SCLY: variants seen among roughly 807,000 people sequenced by gnomAD.
SCLY encodes selenocysteine lyase.
SCLY carries 38 observed loss-of-function variants against 50.1 expected under a neutral mutation model. That is an observed-to-expected ratio of 0.76 (90% CI 0.59 to 0.99). The LOEUF (loss-of-function observed/expected upper bound fraction) is 0.99, where lower values mean the gene tolerates loss of function less well. SCLY is among the 50% of genes least tolerant of loss of function. The probability of loss-of-function intolerance (pLI) is 0.00; values close to 1 mark genes in which losing one functional copy is unlikely to be tolerated. For synonymous variants in SCLY, 243 were observed against 249.4 expected, an observed-to-expected ratio of 0.97 and a Z score of 0.24; for missense variants, 600 against 620.0, an observed-to-expected ratio of 0.97 and a Z score of 0.34.
chr2:238,064,096 C>T (rs896163023), intron 1 of SCLY, among the ~76,000 whole-genome samples: 3 of 152,112 alleles, frequency 2.0e-5, no homozygotes, highest in African/African-American at 7.2e-5. Context: ...TTTTGAAAAC[C>T]GAAATGAAAA....
chr2:238,094,311 A>G, intron 9 of SCLY, 109 bp from the exon 10 acceptor site: 2 of 911,782 alleles, frequency 2.2e-6, no homozygotes, highest in Non-Finnish European at 3.5e-6. Context: ...TGCTGATTGA[A>G]AAGTATGCAC....
At chr2:238,076,845 C>A (rs1172200609) in intron 4 of SCLY, among the ~76,000 whole-genome samples, 6 of 151,144 alleles carry the variant, frequency 4.0e-5, no homozygotes, top group African/African-American at 1.2e-4. Context: ...GATTTAAATT[C>A]TTTAATTTTT....
chr2:238,097,846 G>T (rs961980841), intron 11 of SCLY, among the ~76,000 whole-genome samples: 1 of 152,110 alleles, frequency 6.6e-6, no homozygotes, highest in African/African-American at 2.4e-5. Flanking sequence ...CAGGTGGGCC[G>T]CATGGGTAAG....
intron 7 of SCLY, among the ~76,000 whole-genome samples, chr2:238,090,028 A>T (rs555660252): frequency 6.6e-6 from 1 of 152,318 alleles, no homozygotes; most frequent in African/African-American, 2.4e-5. Flanking sequence ...TATCTGACAA[A>T]GAAATGGTAT....
chr2:238,077,526 C>T (rs1401495141), intron 4 of SCLY, among the ~76,000 whole-genome samples: 1 of 152,206 alleles, frequency 6.6e-6, no homozygotes, highest in African/African-American at 2.4e-5. Context: ...CCAACCCTGG[C>T]TTGGGAATTT....
At chr2:238,081,857 C>T (rs763441427) in intron 5 of SCLY, 21 bp downstream of exon 5, 2 of 1,609,580 alleles carry the variant, frequency 1.2e-6, no homozygotes, top group South Asian at 1.1e-5. Context: ...CTTTGTTTCT[C>T]TTTAAGGAGA....
chr2:238,082,578 A>G (rs2106447174), intron 6 of SCLY: 2 of 228,760 alleles, frequency 8.7e-6, no homozygotes, highest in African/African-American at 4.4e-5. Flanking sequence ...TGGAAGATGT[A>G]GGGACAGGAA....
In SCLY at chr2:238,098,654, C is replaced by CCCACATAGAACCGT. The variant is rs1574721724; in HGVS notation, c.*302_*315dup. On this transcript the variant is annotated 3_prime_UTR_variant, in exon 12 of 12. Coordinates refer to ENST00000254663, the MANE Select transcript of SCLY (RefSeq NM_016510.7). ...ACATGGGACCGCCCACATGGGACCG[C>CCCACATAGAACCGT]CCACATAGAACCGTCCTCCAGTGGT... 5.6e-5 allele frequency: 24 copies of CCCACATAGAACCGT among 432,276 alleles called. No homozygotes were observed. Among genetic ancestry groups the CCCACATAGAACCGT allele is most frequent in the African/African-American group, 2.2e-4 (10 of 45,276 alleles). 26.8% of individuals were successfully genotyped at this position (432,276 alleles called of 1,614,324 possible). A position where few individuals can be genotyped will look rare whatever the true frequency, so the allele number is the denominator to read the frequency against.
Position 238,069,524 on chromosome 2 carries a change from C to T in SCLY, c.484+47C>T, listed in dbSNP as rs759296664. On this transcript the variant is annotated intron_variant, in intron 4 of 11. Transcript: ENST00000254663. This position sits in a 1 kb window ranked among gnomAD's most constrained non-coding sequence, Gnocchi z 5.0. ...CTGGGACCAGCCTGCTGAGCTCCAG[C>T]TGCGAGGCGGGAAGTGGCCTGCGAG... 16 of 1,528,172 alleles carry T rather than the reference C, an allele frequency of 1.0e-5. No homozygotes were observed. In the South Asian group the frequency reaches 1.8e-4, roughly 18 times the overall value. The allele number at this position is 1,528,172 out of a possible 1,614,324, so 94.7% of individuals were successfully genotyped here.
intron 5 of SCLY, 92 bp from the exon 6 acceptor site, chr2:238,081,953 A>G: frequency 6.3e-7 from 1 of 1,575,358 alleles, no homozygotes; most frequent in South Asian, 1.2e-5. Flanking sequence ...TCACTTTGAT[A>G]ACATTTGGCC....
intron 3 of SCLY, among the ~76,000 whole-genome samples, chr2:238,068,954 T>G (rs2065101780): frequency 6.6e-6 from 1 of 152,242 alleles, no homozygotes; most frequent in Non-Finnish European, 1.5e-5. Context: ...CTCCCACCAA[T>G]AGTGGGTGGC....
chr2:238,079,333 A>G (rs542366309), intron 4 of SCLY: 4 of 152,344 alleles, frequency 2.6e-5, no homozygotes, highest in African/African-American at 7.2e-5. Flanking sequence ...TTGGCCTCCC[A>G]AAGTGCTTAC....
chr2:238,098,522 C>A lies in SCLY; in HGVS notation c.*167C>A, dbSNP rs73098352. 317,461 of 753,276 alleles carry A rather than the reference C, an allele frequency of 0.42. 70,572 individuals carry two copies. The highest frequency in any genetic ancestry group is 0.46 in the Non-Finnish European group (229,853 of 500,948). 46.7% of individuals were successfully genotyped at this position (753,276 alleles called of 1,614,324 possible). A position where few individuals can be genotyped will look rare whatever the true frequency, so the allele number is the denominator to read the frequency against. On this transcript the variant is annotated 3_prime_UTR_variant, in exon 12 of 12. Coordinates refer to ENST00000254663, the MANE Select transcript of SCLY (RefSeq NM_016510.7). ...TGCACCCCCAGTTTCCTTCCCTGGA[C>A]CCCTGCAGAGCTCACAGGGCCCAGG...
chr2:238,074,878 G>C lies in SCLY; in HGVS notation c.484+5401G>C, dbSNP rs1483120618. Among the ~76,000 whole-genome samples, 4 of 152,276 alleles carry C rather than the reference G, an allele frequency of 2.6e-5. No homozygotes were observed. The East Asian group carries it at 7.7e-4, about 29-fold the overall frequency. On this transcript the variant is annotated intron_variant, in intron 4 of 11. Coordinates refer to ENST00000254663, the MANE Select transcript of SCLY (RefSeq NM_016510.7). ...ACAGCTAGAGATAGTTTTACTTCTT[G>C]TTGTCCAACTTGTATTTCTTTAATT... is the stretch of plus-strand genomic sequence containing the variant.
intron 8 of SCLY, 107 bp downstream of exon 8, chr2:238,091,361 A>T: frequency 4.4e-6 from 4 of 902,616 alleles, no homozygotes; most frequent in Non-Finnish European, 7.5e-6. Flanking sequence ...TCGTGATCTC[A>T]TAAGCGGACT....
Position 238,094,058 on chromosome 2 carries a change from C to G in SCLY, c.1005+114C>G, listed in dbSNP as rs2065399065. ...GGACCTGTGGGGATTGCAGCGTAGC[C>G]TGGAACTCAGCAGGATGCAGTGAGG... On this transcript the variant is annotated intron_variant, in intron 9 of 11. Coordinates refer to ENST00000254663, the MANE Select transcript of SCLY (RefSeq NM_016510.7). The G allele has an allele frequency of 2.2e-6, 2 of 926,436 alleles. 1 individual carries two copies. The highest frequency in any genetic ancestry group is 2.9e-5 in the South Asian group (2 of 68,410). 57.4% of individuals were successfully genotyped at this position (926,436 alleles called of 1,614,324 possible). A position where few individuals can be genotyped will look rare whatever the true frequency, so the allele number is the denominator to read the frequency against.
rs146778538 is a variant in SCLY at position 238,063,815 on chromosome 2, C to T, written c.90-542C>T. On this transcript the variant is annotated intron_variant, in intron 1 of 11. Transcript: ENST00000254663. ...GAATGTGCAGCTGTTCCCCTCCTTC[C>T]ATAAGGAAGAGGCCAGTGATCTGCC... Among the ~76,000 whole-genome samples, 21 of 152,324 alleles carry T rather than the reference C, an allele frequency of 1.4e-4. No individual in the cohort carries two copies. The East Asian group carries it at 3.1e-3, about 22-fold the overall frequency.
chr2:238,071,937 C>G (rs1451699396), intron 4 of SCLY, among the ~76,000 whole-genome samples: 1 of 151,988 alleles, frequency 6.6e-6, no homozygotes, highest in Non-Finnish European at 1.5e-5. Flanking sequence ...AGTGTGCTCA[C>G]CAGGTTGTGC....
intron 4 of SCLY, among the ~76,000 whole-genome samples, chr2:238,073,107 G>C (rs2065142177): frequency 6.6e-6 from 1 of 152,152 alleles, no homozygotes; most frequent in Admixed American, 6.5e-5. Flanking sequence ...CAGCACATTT[G>C]TTGAAAAGAC....
Sources: gnomAD v4.1 joint callset for allele counts (sites outside exome capture counted in the v4.1 genomes callset) on GRCh38, gnomAD v4.1.1 for gene constraint, Gnocchi (gnomAD v3.1) non-coding constraint, MANE v1.5 for transcripts, NCBI Gene and HGNC (gene_info 2026-07-23, HGNC 2026-07-21) for gene names.